Variants in PLCL1 observed in about 807,000 individuals in gnomAD.
PLCL1 encodes phospholipase C like 1 (inactive), also known as inactive phospholipase C-like protein 1.
PLCL1 carries 41 observed loss-of-function variants against 84.4 expected under a neutral mutation model. The ratio of observed to expected loss-of-function variants is 0.49; its 90% CI spans 0.38 to 0.63. The LOEUF is 0.63. Ranked by LOEUF, PLCL1 falls within the 30% of genes least tolerant of loss-of-function variation. The pLI is 0.00. For missense variants in PLCL1, 1,206 were observed against 1,367.8 expected (o/e 0.88, Z 1.87); for synonymous variants, 490 against 488.3 (o/e 1.00, Z -0.05).
intron 3 of PLCL1, among the ~76,000 whole-genome samples, chr2:198,100,387 A>G (rs1225570098): frequency 3.3e-5 from 5 of 152,116 alleles, no homozygotes; most frequent in Non-Finnish European, 7.4e-5. Context: ...ACAGAAGGGG[A>G]AATCAGGAAA....
chr2:198,061,126 C>T (rs746233403), intron 1 of PLCL1, among the ~76,000 whole-genome samples: 12 of 151,708 alleles, frequency 7.9e-5, no homozygotes, highest in Non-Finnish European at 1.6e-4. Flanking sequence ...TCCATATGCT[C>T]GTGAAAAAAA....
intron 1 of PLCL1, among the ~76,000 whole-genome samples, chr2:198,077,477 C>T (rs1213742628): frequency 2.6e-5 from 4 of 152,116 alleles, no homozygotes; most frequent in Admixed American, 2.0e-4. Flanking sequence ...GTCTTGGCTT[C>T]TGTGGAAGCT....
chr2:197,806,681 A>G (rs1486786830), intron 1 of PLCL1, among the ~76,000 whole-genome samples: 1 of 152,236 alleles, frequency 6.6e-6, no homozygotes, highest in Non-Finnish European at 1.5e-5. Flanking sequence ...TTTTTAACCC[A>G]CAGGTCAGAA....
At chr2:197,983,200 C>CTTTTTTTCTTTTTTTTT (rs1690150482) in intron 1 of PLCL1, among the ~76,000 whole-genome samples, 1 of 60,256 alleles carries the variant, frequency 1.7e-5, no homozygotes, top group African/African-American at 6.4e-5. Flanking sequence ...CTTTTCTTTT[C>CTTTTTTTCTTTTTTTTT]TTTTTTTTTT....
At chr2:197,963,720 T>G (rs1689669115) in intron 1 of PLCL1, among the ~76,000 whole-genome samples, 1 of 152,166 alleles carries the variant, frequency 6.6e-6, no homozygotes, top group Non-Finnish European at 1.5e-5. Context: ...CAGTTTGAGG[T>G]CTTAGATTTA....
intron 1 of PLCL1, among the ~76,000 whole-genome samples, chr2:198,042,577 C>A (rs1374508298): frequency 1.3e-5 from 2 of 152,054 alleles, no homozygotes; most frequent in Admixed American, 1.3e-4. Context: ...ATAGAAGAAG[C>A]CAGATAACCT....
intron 3 of PLCL1, among the ~76,000 whole-genome samples, chr2:198,089,778 A>G (rs771667776): frequency 4.6e-5 from 7 of 152,176 alleles, no homozygotes; most frequent in African/African-American, 7.2e-5. Context: ...AGTCTGCTAC[A>G]GAGGTGAATA....
At chr2:198,090,577 G>C (rs768154280) in intron 3 of PLCL1, among the ~76,000 whole-genome samples, 1 of 152,158 alleles carries the variant, frequency 6.6e-6, no homozygotes, top group Non-Finnish European at 1.5e-5. Flanking sequence ...GCTTATGAAT[G>C]ACCATACCTG....
rs1687093205 is a variant in PLCL1, at chr2:197,844,970, C to A, written c.240+39631C>A. Among the ~76,000 whole-genome samples, 3 of 152,130 alleles carry A rather than the reference C, an allele frequency of 2.0e-5. No homozygotes were observed. The South Asian group carries it at 6.2e-4, about 32-fold the overall frequency. Reference sequence around the variant, plus strand: ...CAGTGCAAGGATATTGGAGGACAGACTTCAACATATTATTTATATATATTA... The same window carrying A: ...CAGTGCAAGGATATTGGAGGACAGAATTCAACATATTATTTATATATATTA... On this transcript the variant is annotated intron_variant, in intron 1 of 5. Transcript: ENST00000428675.
intron 1 of PLCL1, among the ~76,000 whole-genome samples, chr2:198,040,448 A>G (rs2196174): frequency 0.49 from 74,612 of 151,962 alleles, 18,765 homozygotes; most frequent in Middle Eastern, 0.65. Context: ...AAGACCTATC[A>G]TTGGGTCTTC....
chr2:198,129,782 C>T (rs2105935149), intron 5 of PLCL1, among the ~76,000 whole-genome samples: 1 of 152,142 alleles, frequency 6.6e-6, no homozygotes, highest in East Asian at 1.9e-4. Flanking sequence ...AACTTCTTAA[C>T]AGGGTTGTTT....
At chr2:197,977,007 T>C (rs2105801601) in intron 1 of PLCL1, among the ~76,000 whole-genome samples, 1 of 152,302 alleles carries the variant, frequency 6.6e-6, no homozygotes, top group African/African-American at 2.4e-5. Context: ...GGTCTGCCAT[T>C]TGAGCTCAGT....
At chr2:198,083,444 A>G (rs893152694) in intron 1 of PLCL1, among the ~76,000 whole-genome samples, 1 of 152,234 alleles carries the variant, frequency 6.6e-6, no homozygotes, top group African/African-American at 2.4e-5. Flanking sequence ...GAATTGAGCT[A>G]GGTAGTCGAG....
At chr2:198,076,619 A>G (rs531919269) in intron 1 of PLCL1, among the ~76,000 whole-genome samples, 1 of 152,278 alleles carries the variant, frequency 6.6e-6, no homozygotes, top group African/African-American at 2.4e-5. Flanking sequence ...CTACTTCTCA[A>G]TAGTGGCCAT....
intron 3 of PLCL1, among the ~76,000 whole-genome samples, chr2:198,096,575 A>G (rs1209045701): frequency 6.6e-6 from 1 of 152,220 alleles, no homozygotes; most frequent in Non-Finnish European, 1.5e-5. Flanking sequence ...ACTGTAAGAA[A>G]TAAGCCCAAA....
At chr2:197,959,709 T>A (rs1489305180) in intron 1 of PLCL1, among the ~76,000 whole-genome samples, 1 of 152,032 alleles carries the variant, frequency 6.6e-6, no homozygotes, top group East Asian at 1.9e-4. Flanking sequence ...TAACAAGTTC[T>A]ACATAAAAAT....
intron 1 of PLCL1, among the ~76,000 whole-genome samples, chr2:197,870,413 G>T (rs887245763): frequency 5.9e-5 from 9 of 152,010 alleles, no homozygotes; most frequent in Non-Finnish European, 1.2e-4. Flanking sequence ...TTTTTGTGGC[G>T]TTAAGAGTCC....
intron 1 of PLCL1, among the ~76,000 whole-genome samples, chr2:197,994,238 G>A (rs191322655): frequency 6.6e-6 from 1 of 152,290 alleles, no homozygotes; most frequent in Admixed American, 6.5e-5. Flanking sequence ...TATGCCCTCA[G>A]TAGAGATGAG....
At chr2:198,111,845 C>T (rs925105398) in intron 5 of PLCL1, among the ~76,000 whole-genome samples, 1 of 151,804 alleles carries the variant, frequency 6.6e-6, no homozygotes, top group Non-Finnish European at 1.5e-5. Flanking sequence ...TGAGCACTTT[C>T]TATGTATCAA....
Sources: allele counts gnomAD v4.1 joint callset (sites outside exome capture counted in the v4.1 genomes callset), GRCh38; gene constraint gnomAD v4.1.1; transcripts MANE v1.5; gene names NCBI Gene and HGNC (gene_info 2026-07-23, HGNC 2026-07-21).